The following C12orf56 variants were observed in gnomAD, a reference collection of about 807,000 sequenced individuals.
The protein encoded by C12orf56 is chromosome 12 open reading frame 56, also known as uncharacterized protein C12orf56.
Under a neutral mutation model 69.9 loss-of-function variants are expected in C12orf56, and 71 were observed. The observed-to-expected ratio is 1.02, with a 90% CI of 0.84 to 1.24. C12orf56 has a LOEUF of 1.24. Among genes scored for constraint, C12orf56 ranks in the 50% most tolerant of loss-of-function variants. The probability of loss-of-function intolerance (pLI) is 0.00; values close to 1 mark genes in which losing one functional copy is unlikely to be tolerated. For missense variants in C12orf56, 732 were observed against 738.5 expected (o/e 0.99, Z 0.10); for synonymous variants, 276 against 274.1 (o/e 1.01, Z -0.07).
At chr12:64,287,169 G>A (rs1352738665) in intron 6 of C12orf56, among the ~76,000 whole-genome samples, 4 of 150,372 alleles carry the variant, frequency 2.7e-5, no homozygotes, top group African/African-American at 9.8e-5. Flanking sequence ...ACTTGAACCT[G>A]GGAGGTGGAG....
At chr12:64,327,678 G>A (rs534513625) in intron 3 of C12orf56, among the ~76,000 whole-genome samples, 4 of 152,318 alleles carry the variant, frequency 2.6e-5, no homozygotes, top group Admixed American at 2.6e-4. Flanking sequence ...TACACAGGCT[G>A]TTGGTTCCTT....
chr12:64,340,753 G>A (rs1252117015), intron 2 of C12orf56, among the ~76,000 whole-genome samples: 1 of 152,200 alleles, frequency 6.6e-6, no homozygotes, highest in Non-Finnish European at 1.5e-5. Context: ...ATCTGGTCAC[G>A]TCATCATAGC....
At chr12:64,362,019 C>T (rs2039406593) in intron 1 of C12orf56, among the ~76,000 whole-genome samples, 1 of 152,126 alleles carries the variant, frequency 6.6e-6, no homozygotes, top group South Asian at 2.1e-4. Flanking sequence ...GCATGAGCCA[C>T]CTTGCCTGGC....
chr12:64,362,861 GACT>G (rs752568523), intron 1 of C12orf56, among the ~76,000 whole-genome samples: 1 of 152,150 alleles, frequency 6.6e-6, no homozygotes, highest in Non-Finnish European at 1.5e-5. Flanking sequence ...CCCCTTTTTA[GACT>G]ATATAGGGTA....
intron 8 of C12orf56, among the ~76,000 whole-genome samples, chr12:64,284,352 T>G (rs989305729): frequency 6.6e-6 from 1 of 152,236 alleles, no homozygotes; most frequent in African/African-American, 2.4e-5. Flanking sequence ...CTATGGGAAA[T>G]TCTGGCGGAG....
chr12:64,365,435 G>A (rs980959137), intron 1 of C12orf56, among the ~76,000 whole-genome samples: 1 of 151,468 alleles, frequency 6.6e-6, no homozygotes, highest in South Asian at 2.1e-4. Flanking sequence ...AAAGTACTGG[G>A]ATTACAGGGA....
intron 8 of C12orf56, among the ~76,000 whole-genome samples, chr12:64,284,382 A>AT (rs1346324717): frequency 6.6e-6 from 1 of 152,246 alleles, no homozygotes; most frequent in Non-Finnish European, 1.5e-5. Flanking sequence ...CTTTTAATGT[A>AT]TGATGGGTCA....
At chr12:64,351,956 T>G (rs1273937858) in intron 2 of C12orf56, among the ~76,000 whole-genome samples, 1 of 152,042 alleles carries the variant, frequency 6.6e-6, no homozygotes, top group East Asian at 1.9e-4. Flanking sequence ...TACAGGATAC[T>G]CCCTTCGGAT....
Position 64,380,140 on chromosome 12 carries a change from C to CAA in C12orf56, c.252+10172_252+10173dup, listed in dbSNP as rs1292534767. ...AAAAAAAAAAAAAAAAAAAACAAAA[C>CAA]AAACAAAAAAAAACGCACAATGCAG... On this transcript the variant is annotated intron_variant, in intron 1 of 12. Coordinates refer to ENST00000543942, the MANE Select transcript of C12orf56 (RefSeq NM_001170633.2). 1.9e-3 allele frequency among the ~76,000 whole-genome samples: 61 copies of CAA among 31,662 alleles called. 4 individuals carry two copies. Among genetic ancestry groups the CAA allele is most frequent in the African/African-American group, 4.6e-3 (58 of 12,474 alleles). The allele number at this position is 31,662 out of a possible 152,430, so 20.8% of individuals were successfully genotyped here.
chr12:64,285,400 T>C (rs1006064242), intron 7 of C12orf56, among the ~76,000 whole-genome samples: 7 of 152,214 alleles, frequency 4.6e-5, no homozygotes, highest in African/African-American at 1.4e-4. Flanking sequence ...CTCCTCCAGA[T>C]ACCCATTTTT....
intron 5 of C12orf56, among the ~76,000 whole-genome samples, chr12:64,304,208 T>G (rs2038483244): frequency 1.3e-5 from 2 of 152,226 alleles, no homozygotes; most frequent in Admixed American, 6.5e-5. Flanking sequence ...GCAACATAAA[T>G]TCTAAGTAAA....
At chr12:64,274,860 T>C (rs377615752) in intron 11 of C12orf56, 41 bp downstream of exon 11, 8 of 1,469,248 alleles carry the variant, frequency 5.4e-6, no homozygotes, top group Non-Finnish European at 7.6e-6. Context: ...TCTGTTTAAT[T>C]AGGCTTGGGG....
In C12orf56 at chr12:64,390,368, C is replaced by G; in HGVS notation, c.198G>C (p.Pro66=). ...CCACTACCCGCCGGATGGACTTGGG[C>G]GGGTTCTCGGTTAGGTAGACGAGCC... ...SDRLVYLTEN[P]PKSIRRVVAL... Residue 66 remains proline (P), a synonymous_variant, in exon 1 of 13, where the codon CCG becomes CCC. Coordinates refer to ENST00000543942, the MANE Select transcript of C12orf56 (RefSeq NM_001170633.2). The G allele has an allele frequency of 6.2e-7, 1 of 1,612,894 alleles. No individual in the cohort carries two copies. Among genetic ancestry groups the G allele is most frequent in the Non-Finnish European group, 8.5e-7 (1 of 1,179,682 alleles).
intron 2 of C12orf56, among the ~76,000 whole-genome samples, chr12:64,333,299 T>G (rs1459566208): frequency 6.6e-6 from 1 of 152,168 alleles, no homozygotes; most frequent in East Asian, 1.9e-4. Flanking sequence ...CGAGGCTTAT[T>G]TGTTAGGATG....
At chr12:64,277,253 T>G (rs2038064090) in intron 9 of C12orf56, among the ~76,000 whole-genome samples, 1 of 152,076 alleles carries the variant, frequency 6.6e-6, no homozygotes, top group Non-Finnish European at 1.5e-5. Context: ...ATACTGTTCA[T>G]ATAAGTAGGA....
intron 3 of C12orf56, among the ~76,000 whole-genome samples, chr12:64,330,610 A>G (rs1219452952): frequency 6.6e-6 from 1 of 152,212 alleles, no homozygotes; most frequent in Non-Finnish European, 1.5e-5. Flanking sequence ...CTTCTCAAGG[A>G]CAGAATTTAT....
At position 64,390,350 on chromosome 12, in the gene C12orf56, C is replaced by A. The variant is rs369863119; in HGVS notation, c.216G>T (p.Arg72=). The change falls in exon 1 of 13, where the codon CGG becomes CGT. Residue 72 remains arginine, a synonymous_variant. Coordinates refer to ENST00000543942, the MANE Select transcript of C12orf56 (RefSeq NM_001170633.2). ...CCACGACGTCCCGCAGAGCCACTAC[C>A]CGCCGGATGGACTTGGGCGGGTTCT... ...LTENPPKSIR[R]VVALRDVVAI... is the part of the protein sequence containing the mutation. 2.5e-5 allele frequency: 41 copies of A among 1,612,306 alleles called. No individual in the cohort carries two copies. Among genetic ancestry groups the A allele is most frequent in the Non-Finnish European group, 3.1e-5 (37 of 1,179,610 alleles).
intron 12 of C12orf56, 181 bp from the exon 13 acceptor site, chr12:64,267,469 CAT>C: frequency 1.7e-6 from 1 of 599,386 alleles, no homozygotes; most frequent in Non-Finnish European, 2.9e-6. Context: ...AAATCTCTGA[CAT>C]GTGGACTGTC....
intron 2 of C12orf56, among the ~76,000 whole-genome samples, chr12:64,344,782 G>A (rs1390133804): frequency 1.3e-5 from 2 of 152,070 alleles, no homozygotes; most frequent in Admixed American, 1.3e-4. Flanking sequence ...GCTCTAAAAT[G>A]ACTAATCCAC....
Sources: allele counts gnomAD v4.1 joint callset (sites outside exome capture counted in the v4.1 genomes callset), GRCh38; gene constraint gnomAD v4.1.1; transcripts MANE v1.5; gene names NCBI Gene and HGNC (gene_info 2026-07-23, HGNC 2026-07-21).